FRMD3: variants seen among roughly 807,000 people sequenced by gnomAD.
FRMD3 encodes FERM domain containing 3.
In FRMD3, 33 loss-of-function variants were observed where a neutral mutation model predicts 70.2. That is an observed-to-expected ratio of 0.47 (90% CI 0.36 to 0.63). FRMD3 has a LOEUF of 0.63. FRMD3 is among the 20% of genes least tolerant of loss of function. The probability of loss-of-function intolerance (pLI) is 0.00; values close to 1 mark genes in which losing one functional copy is unlikely to be tolerated. For synonymous variants in FRMD3, 279 were observed against 255.9 expected (o/e 1.09, Z -0.86); for missense variants, 632 against 711.4 (o/e 0.89, Z 1.27).
At chr9:83,255,631 G>A (rs7029645) in intron 13 of FRMD3, among the ~76,000 whole-genome samples, 66,244 of 151,894 alleles carry the variant, frequency 0.44, 15,194 homozygotes, top group African/African-American at 0.57. Flanking sequence ...AAACCCCATC[G>A]TCTCAGCCCC....
chr9:83,483,190 C>G (rs1828609141), intron 1 of FRMD3, among the ~76,000 whole-genome samples: 1 of 152,172 alleles, frequency 6.6e-6, no homozygotes, highest in Non-Finnish European at 1.5e-5. Context: ...CTCACAAGAT[C>G]TGGTTGTTTT....
chr9:83,576,170 A>G, the FRMD3 span, among the ~76,000 whole-genome samples: 1 of 152,208 alleles, frequency 6.6e-6, no homozygotes, highest in Middle Eastern at 3.2e-3. Flanking sequence ...AACAAATCCA[A>G]CAACATACAC....
intron 6 of FRMD3, among the ~76,000 whole-genome samples, chr9:83,324,989 A>G (rs1835955107): frequency 6.6e-6 from 1 of 152,192 alleles, no homozygotes; most frequent in Non-Finnish European, 1.5e-5. Context: ...TTTCAAAATG[A>G]CATGATTTCT....
At chr9:83,278,443 C>CAG (rs2118884803) in intron 13 of FRMD3, among the ~76,000 whole-genome samples, 1 of 152,224 alleles carries the variant, frequency 6.6e-6, no homozygotes, top group South Asian at 2.1e-4. Context: ...ATCCAGTAGA[C>CAG]AGAGATGAGG....
At chr9:83,310,665 T>G in intron 8 of FRMD3, 117 bp from the exon 9 acceptor site, 1 of 721,772 alleles carries the variant, frequency 1.4e-6, no homozygotes, top group East Asian at 2.5e-5. Context: ...AAACAAGGTA[T>G]TATCATTGGT....
rs759445823 is a variant in FRMD3, at chr9:83,474,517, G to A, written c.147+63568C>T. On this transcript the variant is annotated intron_variant, in intron 1 of 13. Coordinates refer to ENST00000304195, the MANE Select transcript of FRMD3 (RefSeq NM_174938.6). The stretch of plus-strand genomic sequence containing the variant: ...GCAAACAATGATCTCTCACCTGCAC[G>A]TTTAAATGACACCTGTTTCTGGGGC... Among the ~76,000 whole-genome samples, 10 of 152,228 alleles carry A rather than the reference G, an allele frequency of 6.6e-5. No homozygotes were observed. The East Asian group carries it at 7.7e-4, about 12-fold the overall frequency.
chr9:83,446,197 GC>G (rs11351220), intron 1 of FRMD3, among the ~76,000 whole-genome samples: 138,168 of 152,088 alleles, frequency 0.91, 62,981 homozygotes, highest in East Asian at 1. Flanking sequence ...GAACAGCCGG[GC>G]CAGCCCCCGG....
intron 1 of FRMD3, among the ~76,000 whole-genome samples, chr9:83,499,867 G>A (rs1397225399): frequency 6.6e-6 from 1 of 152,150 alleles, no homozygotes; most frequent in African/African-American, 2.4e-5. Context: ...TTTAATAGGT[G>A]AATAGTTACA....
intron 10 of FRMD3, among the ~76,000 whole-genome samples, chr9:83,304,489 A>C (rs1244427733): frequency 6.6e-6 from 1 of 152,234 alleles, no homozygotes; most frequent in Non-Finnish European, 1.5e-5. Flanking sequence ...TCATGTGTGC[A>C]TTCAAGTGTG....
intron 1 of FRMD3, among the ~76,000 whole-genome samples, chr9:83,524,324 G>C (rs1382925071): frequency 6.6e-6 from 1 of 152,162 alleles, no homozygotes; most frequent in Non-Finnish European, 1.5e-5. Flanking sequence ...AAAAGGAAAG[G>C]GGAGGTAGTT....
At chr9:83,266,183 C>T (rs927595360) in intron 13 of FRMD3, among the ~76,000 whole-genome samples, 3 of 151,764 alleles carry the variant, frequency 2.0e-5, no homozygotes, top group Admixed American at 1.3e-4. Context: ...CATAGATCAA[C>T]TATTGGGAGT....
chr9:83,515,674 C>T (rs1829439099), intron 1 of FRMD3, among the ~76,000 whole-genome samples: 1 of 152,146 alleles, frequency 6.6e-6, no homozygotes, highest in South Asian at 2.1e-4. Context: ...TCTTCAGATT[C>T]ACCAAGGTTG....
chr9:83,566,888 G>A, the FRMD3 span, among the ~76,000 whole-genome samples: 1 of 152,196 alleles, frequency 6.6e-6, no homozygotes, highest in Non-Finnish European at 1.5e-5. Flanking sequence ...GCTTTTCCAG[G>A]CACACAGTGC....
intron 1 of FRMD3, among the ~76,000 whole-genome samples, chr9:83,506,553 C>G (rs1396755741): frequency 6.6e-6 from 1 of 152,130 alleles, no homozygotes; most frequent in African/African-American, 2.4e-5. Flanking sequence ...TAAAATGGCT[C>G]CCCTATCTAG....
At chr9:83,447,818 A>G (rs1021151796) in intron 1 of FRMD3, among the ~76,000 whole-genome samples, 2 of 152,228 alleles carry the variant, frequency 1.3e-5, no homozygotes, top group African/African-American at 4.8e-5. Context: ...GTTCTGGCCG[A>G]GTCACCTCAA....
At chr9:83,558,946 T>G in the FRMD3 span, among the ~76,000 whole-genome samples, 1 of 152,184 alleles carries the variant, frequency 6.6e-6, no homozygotes, top group Non-Finnish European at 1.5e-5. Flanking sequence ...GAAAACTTCA[T>G]TAGATGAGGA....
At chr9:83,299,878 A>C (rs1834835347) in intron 10 of FRMD3, among the ~76,000 whole-genome samples, 1 of 152,252 alleles carries the variant, frequency 6.6e-6, no homozygotes, top group Non-Finnish European at 1.5e-5. Context: ...AACACTCTGA[A>C]AAGCAGCCTA....
At chr9:83,350,691 C>T in intron 3 of FRMD3, 1 of 783,334 alleles carries the variant, frequency 1.3e-6, no homozygotes, top group South Asian at 5.9e-5. Context: ...GAAAAGAAAA[C>T]AATTTTATAA....
chr9:83,336,606 A>T (rs1823588787), intron 5 of FRMD3, among the ~76,000 whole-genome samples: 1 of 146,426 alleles, frequency 6.8e-6, no homozygotes, highest in African/African-American at 2.6e-5. Flanking sequence ...TATACATCTA[A>T]AACAGAAGAG....
Sources: gnomAD v4.1 joint callset for allele counts (sites outside exome capture counted in the v4.1 genomes callset) on GRCh38, gnomAD v4.1.1 for gene constraint, MANE v1.5 for transcripts, NCBI Gene and HGNC (gene_info 2026-07-23, HGNC 2026-07-21) for gene names.